The following ACO2 variants were observed in gnomAD, a reference collection of about 807,000 sequenced individuals.
The protein encoded by ACO2 is aconitase 2, also known as aconitate hydratase, mitochondrial.
In ACO2, 31 loss-of-function variants were observed where a neutral mutation model predicts 84.5. The ratio of observed to expected loss-of-function variants is 0.37; its 90% CI spans 0.28 to 0.50. The LOEUF (loss-of-function observed/expected upper bound fraction) is 0.50, where lower values mean the gene tolerates loss of function less well. Among genes scored for constraint, ACO2 ranks in the 20% least tolerant of loss-of-function variants. ACO2 has a pLI of 0.97. For synonymous variants in ACO2, 414 were observed against 412.7 expected, an observed-to-expected ratio of 1.00 and a Z score of -0.04; for missense variants, 685 against 1,029.3, an observed-to-expected ratio of 0.67 and a Z score of 4.58.
chr22:41,490,730 T>G (rs1296219467), intron 1 of ACO2, among the ~76,000 whole-genome samples: 1 of 152,190 alleles, frequency 6.6e-6, no homozygotes, highest in Non-Finnish European at 1.5e-5. Flanking sequence ...TGATAAAGTA[T>G]TGATTTGCCT....
rs923454736 is a variant in ACO2 at position 41,517,470 on chromosome 22, G to A, written c.836-57G>A. ...GAAGATGCAGGTGGCCGCGTAGCAG[G>A]TGTGTGGGACCCTGGCCCGGCCACC... is the stretch of plus-strand genomic sequence containing the variant. On this transcript the variant is annotated intron_variant, in intron 6 of 17. Transcript: ENST00000216254. 4.2e-6 allele frequency: 6 copies of A among 1,428,768 alleles called. No individual in the cohort carries two copies. In the African/African-American group the frequency reaches 7.0e-5, roughly 17 times the overall value. 88.5% of individuals were successfully genotyped at this position (1,428,768 alleles called of 1,614,324 possible).
intron 1 of ACO2, among the ~76,000 whole-genome samples, chr22:41,471,445 G>C (rs2037944940): frequency 6.6e-6 from 1 of 152,152 alleles, no homozygotes; most frequent in Non-Finnish European, 1.5e-5. Flanking sequence ...AGAAGTGATG[G>C]TTACTACCTT....
chr22:41,527,234 G>C, intron 15 of ACO2, 54 bp from the exon 16 acceptor site: 1 of 1,613,494 alleles, frequency 6.2e-7, no homozygotes, highest in Non-Finnish European at 8.5e-7. Context: ...GGGCCAGACA[G>C]GTGAGGACGG....
chr22:41,509,659 G>T (rs993103416), intron 3 of ACO2, among the ~76,000 whole-genome samples: 5 of 151,838 alleles, frequency 3.3e-5, no homozygotes, highest in Non-Finnish European at 5.9e-5. Context: ...TGCTTTTGTG[G>T]AAGTGAGAGG....
intron 3 of ACO2, 48 bp from the exon 4 acceptor site, chr22:41,511,828 G>T: frequency 1.4e-6 from 2 of 1,468,926 alleles, no homozygotes; most frequent in Non-Finnish European, 1.9e-6. Context: ...AGGGTCACCT[G>T]GACACAAACC....
At chr22:41,526,529 T>C (rs569838197) in intron 15 of ACO2, 76 bp downstream of exon 15, 186 of 1,495,798 alleles carry the variant, frequency 1.2e-4, no homozygotes, top group Non-Finnish European at 1.3e-4. Flanking sequence ...GGGAGGACAT[T>C]AGGGGAGTGG....
chr22:41,492,900 C>T (rs909365913), intron 1 of ACO2, among the ~76,000 whole-genome samples: 7 of 152,232 alleles, frequency 4.6e-5, no homozygotes, highest in Admixed American at 1.3e-4. Flanking sequence ...GACGAGATAG[C>T]GCCACTGTAC....
Position 41,528,532 on chromosome 22 carries a change from G to A in ACO2, c.2262G>A (p.Leu754=), listed in dbSNP as rs144054414. Residue 754 remains leucine, a synonymous_variant, in exon 18 of 18, where the codon CTG becomes CTA. Coordinates refer to ENST00000216254, the MANE Select transcript of ACO2 (RefSeq NM_001098.3). The part of the protein sequence containing the change: ...HPNGTQETIL[L]NHTFNETQIE... ...ACGGGACCCAGGAGACCATCCTCCT[G>A]AACCACACCTTCAACGAGACGCAGA... 1.2e-6 allele frequency: 2 copies of A among 1,613,078 alleles called. No homozygotes were observed.
At chr22:41,481,448 A>G (rs531072764) in intron 1 of ACO2, among the ~76,000 whole-genome samples, 4 of 152,350 alleles carry the variant, frequency 2.6e-5, no homozygotes, top group African/African-American at 9.6e-5. Context: ...TGGCTCCCCA[A>G]CAAGCAGTGC....
chr22:41,488,175 C>T (rs930551701), intron 1 of ACO2, among the ~76,000 whole-genome samples: 6 of 152,154 alleles, frequency 3.9e-5, no homozygotes, highest in African/African-American at 1.4e-4. Flanking sequence ...AGATGGTAAT[C>T]CTGACGGTAG....
rs547374563 is a variant in ACO2 at position 41,485,065 on chromosome 22, C to T, written c.37-14661C>T. On this transcript the variant is annotated intron_variant, in intron 1 of 17. Coordinates refer to ENST00000216254, the MANE Select transcript of ACO2 (RefSeq NM_001098.3). ...AATTTTTTTGTATTTTTATTAGAGA[C>T]GAGGTTTCTCCATGTTGGTCAGGCT... 4.0e-5 allele frequency among the ~76,000 whole-genome samples: 6 copies of T among 151,866 alleles called. No homozygotes were observed. The South Asian group carries it at 8.3e-4, about 21-fold the overall frequency.
At chr22:41,488,000 G>T (rs575111639) in intron 1 of ACO2, among the ~76,000 whole-genome samples, 41 of 152,128 alleles carry the variant, frequency 2.7e-4, no homozygotes, top group African/African-American at 9.6e-4. Context: ...CAGTTTTTTT[G>T]AACTTGAACT....
At chr22:41,523,748 C>A in intron 11 of ACO2, 82 bp from the exon 12 acceptor site, 1 of 1,305,914 alleles carries the variant, frequency 7.7e-7, no homozygotes, top group Non-Finnish European at 1.1e-6. Context: ...GGCTGCGCCA[C>A]AGGAACCCAG....
intron 2 of ACO2, among the ~76,000 whole-genome samples, chr22:41,504,293 G>T (rs9623411): frequency 6.6e-6 from 1 of 152,142 alleles, no homozygotes; most frequent in Non-Finnish European, 1.5e-5. Flanking sequence ...CTTGCTGGGC[G>T]ACTTCTCTTC....
chr22:41,476,617 C>A (rs906936531), intron 1 of ACO2, among the ~76,000 whole-genome samples: 3 of 147,484 alleles, frequency 2.0e-5, no homozygotes, highest in African/African-American at 7.6e-5. Flanking sequence ...GGCTGAGGTA[C>A]GAGAATCGCT....
chr22:41,525,640 C>G (rs1449359547), intron 14 of ACO2, among the ~76,000 whole-genome samples: 1 of 152,222 alleles, frequency 6.6e-6, no homozygotes, highest in Non-Finnish European at 1.5e-5. Flanking sequence ...CAGGTGAGTA[C>G]AGCTCAGGCT....
rs113953699 is a variant in ACO2, at chr22:41,524,908, G to T, written c.1545G>T (p.Thr515=). 1.9e-6 allele frequency: 3 copies of T among 1,614,062 alleles called. No homozygotes were observed. Among genetic ancestry groups the T allele is most frequent in the Non-Finnish European group, 1.7e-6 (2 of 1,180,036 alleles). ...TCAACCCAGAGACCGACTACCTGAC[G>T]GGCACGGATGGCAAGAAGTTCAGGC... ...LKFNPETDYL[T]GTDGKKFRLE... Residue 515 remains threonine, a synonymous_variant, in exon 13 of 18, where the codon ACG becomes ACT. Coordinates refer to ENST00000216254, the MANE Select transcript of ACO2 (RefSeq NM_001098.3).
intron 17 of ACO2, 93 bp from the exon 18 acceptor site, chr22:41,528,386 T>G (rs1298660702): frequency 5.7e-5 from 87 of 1,532,890 alleles, no homozygotes; most frequent in Non-Finnish European, 7.4e-5. Context: ...ACCTCTTAGG[T>G]CCCCAGGCAG....
chr22:41,504,978 G>A (rs571798212), intron 2 of ACO2, among the ~76,000 whole-genome samples: 1 of 151,980 alleles, frequency 6.6e-6, no homozygotes, highest in Admixed American at 6.6e-5. Flanking sequence ...GCCTCCTAAA[G>A]TGCTAGGATG....
Sources: allele counts gnomAD v4.1 joint callset (sites outside exome capture counted in the v4.1 genomes callset), GRCh38; gene constraint gnomAD v4.1.1; transcripts MANE v1.5; gene names NCBI Gene and HGNC (gene_info 2026-07-23, HGNC 2026-07-21).